The following TTC34 variants were observed in gnomAD, a reference collection of about 807,000 sequenced individuals.
The protein encoded by TTC34 is tetratricopeptide repeat protein 34.
Under a neutral mutation model 40.7 loss-of-function variants are expected in TTC34, and 44 were observed. That is an observed-to-expected ratio of 1.08 (90% confidence interval 0.85 to 1.39). TTC34 has a LOEUF of 1.39. Among genes scored for constraint, TTC34 ranks in the 40% most tolerant of loss-of-function variants. The probability of loss-of-function intolerance (pLI) is 0.00; values close to 1 mark genes in which losing one functional copy is unlikely to be tolerated. For missense variants in TTC34, 884 were observed against 838.0 expected (o/e 1.05, Z -0.68); for synonymous variants, 422 against 398.6 (o/e 1.06, Z -0.70).
At chr1:2,651,673 C>A (rs2100212516) in intron 6 of TTC34, among the ~76,000 whole-genome samples, 1 of 152,108 alleles carries the variant, frequency 6.6e-6, no homozygotes, top group Admixed American at 6.5e-5. Context: ...GGGAAGTCAC[C>A]CCCACACCCA....
At chr1:2,697,764 AC>A (rs1640936764) in intron 6 of TTC34, among the ~76,000 whole-genome samples, 1 of 132,718 alleles carries the variant, frequency 7.5e-6, no homozygotes, top group African/African-American at 3.0e-5. Flanking sequence ...GAGCAACCAC[AC>A]CCCCAGGCGA....
intron 6 of TTC34, among the ~76,000 whole-genome samples, chr1:2,684,308 A>C: frequency 7.3e-6 from 1 of 136,606 alleles, no homozygotes; most frequent in Non-Finnish European, 1.6e-5. Context: ...CTGGGTCGGC[A>C]CCCACACCCC....
intron 6 of TTC34, among the ~76,000 whole-genome samples, chr1:2,778,536 G>C (rs974361035): frequency 2.6e-5 from 4 of 152,212 alleles, no homozygotes; most frequent in African/African-American, 9.6e-5. Context: ...TTTTGTCTTA[G>C]CTGTTTATGG....
exon 9 of TTC34, chr1:2,637,022 GA>G (rs1254302944): frequency 2.6e-5 from 4 of 152,312 alleles, no homozygotes; most frequent in African/African-American, 9.6e-5. Flanking sequence ...TTGAGAGACG[GA>G]ACAGCTCTCA....
At chr1:2,774,724 G>A (rs1642912629) in intron 6 of TTC34, 2 of 60,512 alleles carry the variant, frequency 3.3e-5, no homozygotes, top group African/African-American at 7.1e-5. Flanking sequence ...GCATCTGACA[G>A]CCTGGAGCAG....
chr1:2,751,183 C>CGT (rs1641307066), intron 6 of TTC34, among the ~76,000 whole-genome samples: 1 of 35,416 alleles, frequency 2.8e-5, no homozygotes, highest in African/African-American at 1.1e-4. Context: ...GGCGAGCATC[C>CGT]GACAGCCTGG....
intron 6 of TTC34, among the ~76,000 whole-genome samples, chr1:2,654,332 C>G (rs1273294887): frequency 3.0e-4 from 45 of 149,008 alleles, no homozygotes; most frequent in African/African-American, 1.0e-3. Context: ...CACCCATACG[C>G]TCAGATGAGC....
In TTC34 at chr1:2,683,601, G is replaced by C. The variant is rs541217159; in HGVS notation, c.2227-38038C>G. Among the ~76,000 whole-genome samples, 9 of 144,108 alleles carry C rather than the reference G, an allele frequency of 6.2e-5. No homozygotes were observed. In the South Asian group the frequency reaches 1.7e-3, roughly 28 times the overall value. 94.5% of individuals were successfully genotyped at this position (144,108 alleles called of 152,430 possible). On this transcript the variant is annotated intron_variant, in intron 6 of 8. Coordinates refer to ENST00000401095, the Ensembl canonical transcript of TTC34. ...TGGAACAGCACCCACACACTCAGGC[G>C]AGCATCTGACATCCTTCAGCAGCAC...
exon 1 of TTC34, chr1:2,801,640 G>A (rs1643774693): frequency 6.6e-6 from 1 of 152,404 alleles, no homozygotes; most frequent in South Asian, 2.1e-4. Flanking sequence ...CTCGTGGGTG[G>A]TGGGGGACAG....
At chr1:2,783,520 G>A (rs564416441) in intron 6 of TTC34, 89 bp downstream of exon 6, 34 of 1,261,114 alleles carry the variant, frequency 2.7e-5, no homozygotes, top group African/African-American at 1.8e-4. Context: ...TGGCCTACCC[G>A]GCTCCCTCTC....
intron 6 of TTC34, among the ~76,000 whole-genome samples, chr1:2,749,753 C>A (rs1178985245): frequency 1.4e-5 from 1 of 71,346 alleles, no homozygotes; most frequent in Non-Finnish European, 2.6e-5. Flanking sequence ...CAGACTGGAA[C>A]AGCTCCCACA....
intron 6 of TTC34, among the ~76,000 whole-genome samples, chr1:2,647,358 C>T (rs1639038973): frequency 6.6e-6 from 1 of 152,152 alleles, no homozygotes; most frequent in Non-Finnish European, 1.5e-5. Context: ...GGTGCAGTGG[C>T]TCACGCCTGT....
chr1:2,783,618 G>A (rs548994635), exon 6 of TTC34: 1 of 1,437,108 alleles, frequency 7.0e-7, no homozygotes, highest in Non-Finnish European at 9.3e-7. Context: ...CCTGCAGCTG[G>A]TCTAGGGCCA....
intron 6 of TTC34, among the ~76,000 whole-genome samples, chr1:2,782,977 A>G (rs1311704903): frequency 6.6e-6 from 1 of 152,184 alleles, no homozygotes; most frequent in Non-Finnish European, 1.5e-5. Context: ...AACAGAACAG[A>G]AACCATCTTC....
rs1327642869 is a variant in TTC34, at chr1:2,751,126, AC to A, written c.2226+32482del. Among the ~76,000 whole-genome samples, 217 of 96,808 alleles carry A rather than the reference AC, an allele frequency of 2.2e-3. 43 individuals carry two copies. The highest frequency in any genetic ancestry group is 3.4e-3 in the Non-Finnish European group (173 of 51,160). 63.5% of individuals were successfully genotyped at this position (96,808 alleles called of 152,430 possible). A position where few individuals can be genotyped will look rare whatever the true frequency, so the allele number is the denominator to read the frequency against. On this transcript the variant is annotated intron_variant, in intron 6 of 8. Transcript: ENST00000401095. ...CTGACAGCCTGGAACAGCACCCTGT[AC>A]CCCCAGGGGAGCATCTGACACCCTG...
chr1:2,671,837 G>T (rs1185535575), intron 6 of TTC34, among the ~76,000 whole-genome samples: 192 of 145,358 alleles, frequency 1.3e-3, no homozygotes, highest in Admixed American at 2.3e-3. Flanking sequence ...GTACCCCCAG[G>T]CGAGCATCTG....
intron 6 of TTC34, among the ~76,000 whole-genome samples, chr1:2,658,526 CTGGAACAGCA>C: frequency 1.3e-5 from 1 of 78,880 alleles, no homozygotes; most frequent in Non-Finnish European, 3.3e-5. Context: ...ATCTGACAGC[CTGGAACAGCA>C]CGCTGCCCCC....
intron 6 of TTC34, among the ~76,000 whole-genome samples, chr1:2,695,726 GC>G (rs1640831829): frequency 2.7e-5 from 4 of 149,272 alleles, no homozygotes; most frequent in Non-Finnish European, 4.5e-5. Flanking sequence ...CCCCAGGTGA[GC>G]AGCTGAAATC....
chr1:2,645,366 C>G lies in TTC34; in HGVS notation c.2424G>C (p.Gly808=). Residue 808 remains glycine, a synonymous_variant, in exon 7 of 9, where the codon GGG becomes GGC. Coordinates refer to ENST00000401095, the Ensembl canonical transcript of TTC34. The surrounding 1 kb of genome is among the most constrained non-coding windows in gnomAD (Gnocchi z 4.7). ...CTGAGTCGATTTTGATCAGCGCCTC[C>G]CCCACAGCAAGGAGGCCCTGGGTGT... 6.5e-7 allele frequency: 1 copy of G among 1,534,366 alleles called. No homozygotes were observed. Among genetic ancestry groups the G allele is most frequent in the East Asian group, 2.4e-5 (1 of 40,862 alleles).
Sources: gnomAD v4.1 joint callset for allele counts (sites outside exome capture counted in the v4.1 genomes callset) on GRCh38, gnomAD v4.1.1 for gene constraint, Gnocchi (gnomAD v3.1) non-coding constraint, MANE v1.5 for transcripts, NCBI Gene and HGNC (gene_info 2026-07-23, HGNC 2026-07-21) for gene names.